The following ADAMTS2 variants were observed in gnomAD, a reference collection of about 807,000 sequenced individuals.
ADAMTS2 encodes ADAM metallopeptidase with thrombospondin type 1 motif 2, also known as A disintegrin and metalloproteinase with thrombospondin motifs 2.
A neutral mutation model predicts 123.0 loss-of-function variants in ADAMTS2; 50 were observed. That is an observed-to-expected ratio of 0.41 (90% CI 0.32 to 0.51). The LOEUF is 0.51. Among genes scored for constraint, ADAMTS2 ranks in the 20% least tolerant of loss-of-function variants. The pLI, the probability that ADAMTS2 is intolerant of heterozygous loss-of-function variation, is 0.35. For synonymous variants in ADAMTS2, 678 were observed against 695.4 expected, an observed-to-expected ratio of 0.98 and a Z score of 0.39; for missense variants, 1,494 against 1,705.2, an observed-to-expected ratio of 0.88 and a Z score of 2.18.
In ADAMTS2 at chr5:179,125,047, C is replaced by T. The variant is rs773669935; in HGVS notation, c.2884G>A (p.Ala962Thr). Residue 962 changes from alanine (A) to threonine (T), a missense_variant, in exon 19 of 22, where the codon GCC (alanine) becomes ACC (threonine). By Grantham distance (58) the Ala-to-Thr change is moderately conservative. This residue lies in a region of ADAMTS2 where 953 missense variants were observed against 1,124.7 expected (regional missense o/e 0.85). Coordinates refer to ENST00000251582, the MANE Select transcript of ADAMTS2 (RefSeq NM_014244.5). ...CAGGCCCGGCGGCTCTCGGGCCGGG[C>T]GTCATTGCAGTGCTTGGCGTGCACG... The part of the protein sequence containing the change: ...RSVHAKHCND[A>T]RPESRRACSR... The T allele has an allele frequency of 5.7e-5, 92 of 1,608,568 alleles. No individual in the cohort carries two copies. Among genetic ancestry groups the T allele is most frequent in the Non-Finnish European group, 7.5e-5 (89 of 1,178,890 alleles).
rs981152438 is a variant in ADAMTS2, at chr5:179,111,006, C to T, written c.*2861G>A. 15 of 152,304 alleles carry T rather than the reference C, an allele frequency of 9.8e-5. No individual in the cohort carries two copies. The highest frequency in any genetic ancestry group is 3.6e-4 in the African/African-American group (15 of 41,560). The allele number at this position is 152,304 out of a possible 1,614,324, so 9.4% of individuals were successfully genotyped here. ...CACCTTGATTCAGTATAGTGGCTAC[C>T]TGTCATACAGGAGGGAGTGGAATCA... On this transcript the variant is annotated 3_prime_UTR_variant, in exon 22 of 22. Coordinates refer to ENST00000251582, the MANE Select transcript of ADAMTS2 (RefSeq NM_014244.5).
At chr5:179,207,471 A>ACCCAAGCCCC in intron 4 of ADAMTS2, 42 bp downstream of exon 4, 1 of 1,026,474 alleles carries the variant, frequency 9.7e-7, no homozygotes, top group Non-Finnish European at 1.5e-6. Flanking sequence ...CCCCTGGTTG[A>ACCCAAGCCCC]CCCTCCCCGC....
At chr5:179,271,861 CG>C (rs902221815) in intron 3 of ADAMTS2, among the ~76,000 whole-genome samples, 10 of 152,202 alleles carry the variant, frequency 6.6e-5, no homozygotes, top group African/African-American at 2.2e-4. Flanking sequence ...GTAAATGAGG[CG>C]GGGCTGCTAT....
intron 2 of ADAMTS2, among the ~76,000 whole-genome samples, chr5:179,337,274 G>T (rs987146825): frequency 2.6e-5 from 4 of 151,916 alleles, no homozygotes; most frequent in African/African-American, 9.7e-5. Flanking sequence ...CCCACTTAAG[G>T]CCCCTCTTCT....
chr5:179,264,964 G>A (rs900267441), intron 3 of ADAMTS2, among the ~76,000 whole-genome samples: 6 of 132,690 alleles, frequency 4.5e-5, no homozygotes, highest in African/African-American at 1.5e-4. Flanking sequence ...GCTGACCCCT[G>A]CACCAACAGC....
intron 4 of ADAMTS2, among the ~76,000 whole-genome samples, chr5:179,200,901 C>T (rs956285432): frequency 6.6e-6 from 1 of 152,202 alleles, no homozygotes; most frequent in African/African-American, 2.4e-5. Flanking sequence ...CTTAAGTACA[C>T]AGACTCTTCA....
rs1176030256 is a variant in ADAMTS2 at position 179,185,239 on chromosome 5, G to A, written c.892-4084C>T. Among the ~76,000 whole-genome samples the A allele has an allele frequency of 6.6e-6, 1 of 152,236 alleles. No individual in the cohort carries two copies. Among genetic ancestry groups the A allele is most frequent in the Non-Finnish European group, 1.5e-5 (1 of 68,050 alleles). On this transcript the variant is annotated intron_variant, in intron 4 of 21. Coordinates refer to ENST00000251582, the MANE Select transcript of ADAMTS2 (RefSeq NM_014244.5). This position sits in a 1 kb window ranked among gnomAD's most constrained non-coding sequence, Gnocchi z 5.9. The stretch of plus-strand genomic sequence containing the variant: ...CGGGGCATTTAAGAAGCTTACTCCA[G>A]GTGCCTTACGGAAAGTAGATGGAAG...
At position 179,122,651 on chromosome 5, in the gene ADAMTS2, G is replaced by A. The variant is rs1361616707; in HGVS notation, c.3081C>T (p.Pro1027=). 1.3e-6 allele frequency: 2 copies of A among 1,551,120 alleles called. No individual in the cohort carries two copies. Among genetic ancestry groups the A allele is most frequent in the Non-Finnish European group, 1.7e-6 (2 of 1,147,456 alleles). ...GGGCTGCAGGTGGCTTACGGGGACAGGGGCCAAGCCTGCAGGTCCTCGCTG... is the reference window on the plus strand; with the variant it reads ...GGGCTGCAGGTGGCTTACGGGGACAAGGGCCAAGCCTGCAGGTCCTCGCTG... The part of the protein sequence containing the change: ...PETARTCRLG[P]CPRNISDPSK... Residue 1027 remains proline (P), a synonymous_variant, in exon 20 of 22, where the codon CCC becomes CCT. Coordinates refer to ENST00000251582, the MANE Select transcript of ADAMTS2 (RefSeq NM_014244.5).
chr5:179,192,834 G>A (rs558647757), intron 4 of ADAMTS2, among the ~76,000 whole-genome samples: 30 of 152,164 alleles, frequency 2.0e-4, no homozygotes, highest in Non-Finnish European at 3.4e-4. Context: ...AGTCGCCTTC[G>A]TTTGTTAGCT....
chr5:179,153,634 C>G lies in ADAMTS2; in HGVS notation c.1383-11G>C, dbSNP rs772622482. 1 of 1,599,322 alleles carries G rather than the reference C, an allele frequency of 6.3e-7. No individual in the cohort carries two copies. Reference sequence around the variant, plus strand: ...AGGCAGTCATAGGAGCTGTGGGGGACACACGGTGCCGCGAGCAGCCTTCAG... The same window carrying G: ...AGGCAGTCATAGGAGCTGTGGGGGAGACACGGTGCCGCGAGCAGCCTTCAG... On this transcript the variant is annotated splice_polypyrimidine_tract_variant and intron_variant, in intron 8 of 21. Transcript: ENST00000251582.
Position 179,344,006 on chromosome 5 carries a change from C to G in ADAMTS2, c.295G>C (p.Gly99Arg), listed in dbSNP as rs553818378. The G allele has an allele frequency of 8.7e-6, 14 of 1,612,676 alleles. No individual in the cohort carries two copies. Among genetic ancestry groups the G allele is most frequent in the Non-Finnish European group, 1.2e-5 (14 of 1,179,858 alleles). Reference protein sequence around the residue: ...AAPVRTPSFPGGNEEEPGSHL... With the variant: ...AAPVRTPSFPRGNEEEPGSHL... Reference sequence around the variant, plus strand: ...CTGCCAGGCTCCTCCTCGTTGCCTCCGGGGAAGCTCGGGGTCCGGACCGGG... The same window carrying G: ...CTGCCAGGCTCCTCCTCGTTGCCTCGGGGGAAGCTCGGGGTCCGGACCGGG... Residue 99 changes from glycine (G) to arginine (R), a missense_variant, in exon 2 of 22, where the codon GGA becomes CGA. Gly to Arg is a moderately radical substitution (Grantham distance 125). Around this residue, in one of 6 missense-constraint regions of ADAMTS2, gnomAD observed 237 missense variants for 233.7 expected, o/e 1.01. Coordinates refer to ENST00000251582, the MANE Select transcript of ADAMTS2 (RefSeq NM_014244.5).
chr5:179,127,892 G>C, intron 17 of ADAMTS2, 67 bp downstream of exon 17: 1 of 1,604,178 alleles, frequency 6.2e-7, no homozygotes, highest in Non-Finnish European at 8.5e-7. Context: ...CCCACCCCAG[G>C]GATGCTCCCT....
intron 3 of ADAMTS2, among the ~76,000 whole-genome samples, chr5:179,271,634 T>C (rs1467740315): frequency 2.0e-5 from 3 of 152,194 alleles, no homozygotes; most frequent in Non-Finnish European, 4.4e-5. Context: ...GGGCAGGCAG[T>C]ACCCAGTGGC....
chr5:179,338,443 T>C (rs1757681197), intron 2 of ADAMTS2, among the ~76,000 whole-genome samples: 4 of 152,230 alleles, frequency 2.6e-5, no homozygotes, highest in Non-Finnish European at 4.4e-5. Flanking sequence ...CCAGAGGGAC[T>C]GCGCTGCACT....
In ADAMTS2 at chr5:179,138,051, C is replaced by T. The variant is rs9286046; in HGVS notation, c.1776-107G>A. On this transcript the variant is annotated intron_variant, in intron 11 of 21. Coordinates refer to ENST00000251582, the MANE Select transcript of ADAMTS2 (RefSeq NM_014244.5). ...GGGGGATCCCTAAGTCTCAGGTGTC[C>T]GGGGGGCAGCTCTGCTGAGCAAAGG... 178,379 of 1,289,458 alleles carry T rather than the reference C, an allele frequency of 0.14. 14,771 individuals are homozygous for T. Among genetic ancestry groups the T allele is most frequent in the African/African-American group, 0.36 (24,585 of 67,788 alleles). 79.9% of individuals were successfully genotyped at this position (1,289,458 alleles called of 1,614,324 possible).
At chr5:179,152,455 C>T (rs935699150) in intron 9 of ADAMTS2, among the ~76,000 whole-genome samples, 200 bp from the exon 10 acceptor site, 9 of 152,136 alleles carry the variant, frequency 5.9e-5, no homozygotes, top group East Asian at 1.9e-4. Context: ...TCCCTGGACG[C>T]GGCTGGGCCT....
At chr5:179,279,966 C>A (rs1378153465) in intron 2 of ADAMTS2, among the ~76,000 whole-genome samples, 3 of 152,236 alleles carry the variant, frequency 2.0e-5, no homozygotes, top group African/African-American at 7.2e-5. Context: ...GGATCCTCGC[C>A]AGGTGCCAGC....
intron 3 of ADAMTS2, among the ~76,000 whole-genome samples, chr5:179,238,498 G>A (rs1023242826): frequency 2.6e-5 from 4 of 152,232 alleles, no homozygotes; most frequent in African/African-American, 9.6e-5. Context: ...CAGGTGGTGC[G>A]GGGGGAGCTG....
At position 179,181,903 on chromosome 5, in the gene ADAMTS2, C is replaced by A. The variant is rs770214328; in HGVS notation, c.892-748G>T. On this transcript the variant is annotated intron_variant, in intron 4 of 21. Transcript: ENST00000251582. The surrounding 1 kb of genome is among the most constrained non-coding windows in gnomAD (Gnocchi z 4.1). ...CTTCTACAGAACACAGCCAGCAAGA[C>A]CCTCCAGAAACATAGGTCAGGTTAT... 1.3e-5 allele frequency among the ~76,000 whole-genome samples: 2 copies of A among 152,160 alleles called. No individual in the cohort carries two copies. Among genetic ancestry groups the A allele is most frequent in the Non-Finnish European group, 2.9e-5 (2 of 68,028 alleles).
Sources: allele counts gnomAD v4.1 joint callset (sites outside exome capture counted in the v4.1 genomes callset), GRCh38; gene constraint gnomAD v4.1.1; regional missense constraint gnomAD v4.1.1; non-coding constraint Gnocchi (gnomAD v3.1); transcripts MANE v1.5; gene names NCBI Gene and HGNC (gene_info 2026-07-23, HGNC 2026-07-21).